CCSER1: variants seen among roughly 807,000 people sequenced by gnomAD.
CCSER1 encodes the protein coiled-coil serine rich protein 1, also known as serine-rich coiled-coil domain-containing protein 1.
A neutral mutation model predicts 82.0 loss-of-function variants in CCSER1; 41 were observed. That is an observed-to-expected ratio of 0.50 (90% confidence interval 0.39 to 0.65). The LOEUF (loss-of-function observed/expected upper bound fraction) is 0.65. Among genes scored for constraint, CCSER1 ranks in the 30% least tolerant of loss-of-function variants. The pLI is 0.00. For synonymous variants in CCSER1, 414 were observed against 383.9 expected, an observed-to-expected ratio of 1.08 and a Z score of -0.92; for missense variants, 1,119 against 1,064.2, an observed-to-expected ratio of 1.05 and a Z score of -0.72.
chr4:90,464,581 T>A (rs1035662481), intron 4 of CCSER1, among the ~76,000 whole-genome samples: 1 of 152,232 alleles, frequency 6.6e-6, no homozygotes, highest in African/African-American at 2.4e-5. Context: ...AGACGGAATA[T>A]TCTGCACTTC....
intron 10 of CCSER1, among the ~76,000 whole-genome samples, chr4:91,249,320 G>GT (rs926233973): frequency 2.0e-4 from 31 of 152,150 alleles, no homozygotes; most frequent in Admixed American, 2.6e-4. Context: ...TTTCCCAATA[G>GT]TTTAAGTTTA....
At chr4:90,660,634 A>G (rs1161213937) in intron 6 of CCSER1, among the ~76,000 whole-genome samples, 1 of 150,540 alleles carries the variant, frequency 6.6e-6, no homozygotes, top group Admixed American at 6.7e-5. Flanking sequence ...GGGCAACATT[A>G]TTATGTTTTG....
intron 5 of CCSER1, among the ~76,000 whole-genome samples, chr4:90,513,808 G>A (rs1771879671): frequency 6.6e-6 from 1 of 152,116 alleles, no homozygotes; most frequent in Non-Finnish European, 1.5e-5. Context: ...GAAGGTGTGA[G>A]GGACATGATG....
chr4:90,238,766 G>C (rs1746281104), intron 1 of CCSER1, among the ~76,000 whole-genome samples: 2 of 151,992 alleles, frequency 1.3e-5, no homozygotes, highest in South Asian at 4.1e-4. Context: ...ATTTTGTTTT[G>C]TTTTGTCTGT....
chr4:91,457,917 G>A (rs1298920900), intron 10 of CCSER1, among the ~76,000 whole-genome samples: 2 of 152,106 alleles, frequency 1.3e-5, no homozygotes, highest in East Asian at 1.9e-4. Context: ...AGATACAAGT[G>A]TATGATATAT....
At chr4:91,392,362 T>C (rs201108614) in intron 10 of CCSER1, among the ~76,000 whole-genome samples, 1 of 36,840 alleles carries the variant, frequency 2.7e-5, no homozygotes, top group Non-Finnish European at 6.5e-5. Flanking sequence ...AACCTACACA[T>C]GCACACACAC....
chr4:91,528,989 T>A (rs1760900638), intron 10 of CCSER1, among the ~76,000 whole-genome samples: 1 of 152,122 alleles, frequency 6.6e-6, no homozygotes, highest in Non-Finnish European at 1.5e-5. Flanking sequence ...TTTCCAAAAT[T>A]CTGAAACAGA....
chr4:90,402,228 T>A (rs1298422413), intron 4 of CCSER1, among the ~76,000 whole-genome samples: 1 of 152,038 alleles, frequency 6.6e-6, no homozygotes, highest in Non-Finnish European at 1.5e-5. Flanking sequence ...GGAGTTGGAG[T>A]TGTAGGTTAA....
intron 10 of CCSER1, among the ~76,000 whole-genome samples, chr4:91,121,519 G>GT (rs1340573740): frequency 6.6e-6 from 1 of 151,506 alleles, no homozygotes; most frequent in East Asian, 1.9e-4. Flanking sequence ...TTACATTGAG[G>GT]TAATGCCCAA....
At chr4:91,595,074 A>C (rs997779749) in intron 10 of CCSER1, among the ~76,000 whole-genome samples, 1 of 151,892 alleles carries the variant, frequency 6.6e-6, no homozygotes, top group Non-Finnish European at 1.5e-5. Flanking sequence ...AACCAAAAAA[A>C]CCTACTCATC....
At chr4:90,742,849 T>C (rs996896604) in intron 7 of CCSER1, among the ~76,000 whole-genome samples, 3 of 152,206 alleles carry the variant, frequency 2.0e-5, no homozygotes, top group Non-Finnish European at 4.4e-5. Flanking sequence ...AAATGTGTAA[T>C]TCAACTACTG....
At chr4:91,432,218 A>G (rs983459113) in intron 10 of CCSER1, among the ~76,000 whole-genome samples, 1 of 152,170 alleles carries the variant, frequency 6.6e-6, no homozygotes, top group African/African-American at 2.4e-5. Flanking sequence ...TGGAACTGTG[A>G]GTCAATTAAA....
rs376909529 is a variant in CCSER1 at position 90,153,908 on chromosome 4, T to C, written c.-42+26077T>C. Among the ~76,000 whole-genome samples, 75 of 152,302 alleles carry C rather than the reference T, an allele frequency of 4.9e-4. No individual in the cohort carries two copies. The East Asian group carries it at 0.014, about 28-fold the overall frequency. On this transcript the variant is annotated intron_variant, in intron 1 of 10. Transcript: ENST00000509176. ...TAGATCCCATTTGTCAATTTTGGCT[T>C]TTGTTGCCATTGCTTTTGGTGTTTT...
intron 9 of CCSER1, among the ~76,000 whole-genome samples, chr4:90,925,092 C>T (rs1005141165): frequency 6.6e-6 from 1 of 152,090 alleles, no homozygotes; most frequent in African/African-American, 2.4e-5. Flanking sequence ...ATGTGTTTTA[C>T]AAATAACAAC....
chr4:91,442,027 A>G (rs1222308111), intron 10 of CCSER1, among the ~76,000 whole-genome samples: 4 of 152,180 alleles, frequency 2.6e-5, no homozygotes, highest in South Asian at 2.1e-4. Context: ...AATCAATATC[A>G]TGAAAATGAC....
At chr4:90,857,095 C>G (rs1487085183) in intron 8 of CCSER1, among the ~76,000 whole-genome samples, 1 of 152,006 alleles carries the variant, frequency 6.6e-6, no homozygotes, top group African/African-American at 2.4e-5. Flanking sequence ...TGTTAGTTAT[C>G]TCTATCTTTG....
chr4:90,378,836 T>C (rs1254755348), intron 3 of CCSER1, among the ~76,000 whole-genome samples: 1 of 152,202 alleles, frequency 6.6e-6, no homozygotes, highest in African/African-American at 2.4e-5. Context: ...TCTTCTCCCA[T>C]ATGAGTTTAT....
At chr4:90,209,343 G>T (rs999619389) in intron 1 of CCSER1, among the ~76,000 whole-genome samples, 2 of 152,156 alleles carry the variant, frequency 1.3e-5, no homozygotes, top group African/African-American at 4.8e-5. Flanking sequence ...ACTATCATTG[G>T]TAGGGATCTG....
intron 1 of CCSER1, among the ~76,000 whole-genome samples, chr4:90,153,435 G>T (rs1727310268): frequency 6.6e-6 from 1 of 152,158 alleles, no homozygotes; most frequent in Non-Finnish European, 1.5e-5. Flanking sequence ...GGTATTTCTA[G>T]TTCTAGATCC....
Sources: gnomAD v4.1 joint callset for allele counts (sites outside exome capture counted in the v4.1 genomes callset) on GRCh38, gnomAD v4.1.1 for gene constraint, MANE v1.5 for transcripts, NCBI Gene and HGNC (gene_info 2026-07-23, HGNC 2026-07-21) for gene names.